The following TRPC6 variants were observed in gnomAD, a reference collection of about 807,000 sequenced individuals.
TRPC6 encodes short transient receptor potential channel 6.
A neutral mutation model predicts 90.7 loss-of-function variants in TRPC6; 55 were observed. The ratio of observed to expected loss-of-function variants is 0.61; its 90% CI spans 0.49 to 0.76. TRPC6 has a LOEUF of 0.76. Ranked by LOEUF, TRPC6 falls within the 30% of genes least tolerant of loss-of-function variation. TRPC6 has a pLI of 0.00. For synonymous variants in TRPC6, 393 were observed against 393.0 expected, an observed-to-expected ratio of 1.00 and a Z score of 0.00; for missense variants, 989 against 1,122.7, an observed-to-expected ratio of 0.88 and a Z score of 1.70.
chr11:101,489,554 G>C (rs2136703193), intron 3 of TRPC6, among the ~76,000 whole-genome samples: 1 of 152,008 alleles, frequency 6.6e-6, no homozygotes, highest in Admixed American at 6.5e-5. Flanking sequence ...TCTGTCTCTG[G>C]ACTGCCTGTT....
At chr11:101,530,926 G>A (rs1475127821) in intron 1 of TRPC6, among the ~76,000 whole-genome samples, 1 of 152,162 alleles carries the variant, frequency 6.6e-6, no homozygotes, top group African/African-American at 2.4e-5. Context: ...CAAACACATA[G>A]CATTGCCAGG....
At chr11:101,473,366 T>C in intron 7 of TRPC6, 143 bp downstream of exon 7, 1 of 857,572 alleles carries the variant, frequency 1.2e-6, no homozygotes. Flanking sequence ...CCAACTCATT[T>C]GTAAAATCCC....
At chr11:101,469,623 C>CG (rs1859239797) in intron 9 of TRPC6, 122 bp from the exon 10 acceptor site, 5 of 605,082 alleles carry the variant, frequency 8.3e-6, no homozygotes, top group Non-Finnish European at 1.5e-5. Flanking sequence ...CATATTCTTA[C>CG]GGGGTTCTTC....
intron 1 of TRPC6, among the ~76,000 whole-genome samples, chr11:101,505,502 T>C (rs1378163697): frequency 2.0e-5 from 3 of 152,042 alleles, no homozygotes; most frequent in African/African-American, 7.3e-5. Flanking sequence ...AGGGGTTAGG[T>C]ATAGGTAGAA....
At chr11:101,460,616 C>T (rs961818251) in intron 10 of TRPC6, among the ~76,000 whole-genome samples, 1 of 152,050 alleles carries the variant, frequency 6.6e-6, no homozygotes, top group South Asian at 2.1e-4. Context: ...TGTCATATCA[C>T]ACATTTTGTA....
chr11:101,473,844 G>A, intron 6 of TRPC6, 71 bp from the exon 7 acceptor site: 1 of 1,601,226 alleles, frequency 6.2e-7, no homozygotes, highest in Non-Finnish European at 8.5e-7. Flanking sequence ...TTCTTTTTCT[G>A]CGAAAGAAAT....
rs200226540 is a variant in TRPC6, at chr11:101,472,286, A to G, written c.2056T>C (p.Ser686Pro). 4 of 1,613,276 alleles carry G rather than the reference A, an allele frequency of 2.5e-6. No individual in the cohort carries two copies. Among genetic ancestry groups the G allele is most frequent in the Non-Finnish European group, 3.4e-6 (4 of 1,179,536 alleles). Residue 686 changes from serine to proline, a missense_variant, in exon 8 of 13, where the codon TCT (serine) becomes CCT (proline). By Grantham distance (74) the Ser-to-Pro change is moderately conservative (BLOSUM62 -1). Coordinates refer to ENST00000344327, the MANE Select transcript of TRPC6 (RefSeq NM_004621.6). ...KTLFWAIFGL[S>P]EVKSVVINYN... ...TTGATGACCACTGATTTCACTTCAG[A>G]AAGTCCAAATATAGCCCAGAACAGT...
At chr11:101,483,370 CTTGA>C (rs1388248938) in intron 4 of TRPC6, among the ~76,000 whole-genome samples, 2 of 151,988 alleles carry the variant, frequency 1.3e-5, no homozygotes, top group African/African-American at 4.8e-5. Context: ...TGCTGATGTT[CTTGA>C]TTAATAACTA....
rs1859824739 is a variant in TRPC6, at chr11:101,491,833, ATTCTTTTT to A, written c.946-103_946-96del. 12 of 778,582 alleles carry A rather than the reference ATTCTTTTT, an allele frequency of 1.5e-5. No homozygotes were observed. In the South Asian group the frequency reaches 2.0e-4, roughly 13 times the overall value. The allele number at this position is 778,582 out of a possible 1,614,324, so 48.2% of individuals were successfully genotyped here. On this transcript the variant is annotated intron_variant, in intron 2 of 12. Coordinates refer to ENST00000344327, the MANE Select transcript of TRPC6 (RefSeq NM_004621.6). Reference sequence around the variant, plus strand: ...AAGGATTTTATACTTTAAGAGAAACATTCTTTTTTTTTTTTTTTTTTTTTTGAGACGGA... The same window carrying A: ...AAGGATTTTATACTTTAAGAGAAACATTTTTTTTTTTTTTTTTGAGACGGA...
At position 101,488,986 on chromosome 11, in the gene TRPC6, A is replaced by G. The variant is rs142533998; in HGVS notation, c.1244T>C (p.Ile415Thr). ...VKFLVVLAVAIGLPFLALIYW... is the reference protein window; with the variant it reads ...VKFLVVLAVATGLPFLALIYW... ...AATGAGAGCCAGGAAGGGCAGTCCAATGGCAACAGCAAGGACCACAAGGAA... is the reference window on the plus strand; with the variant it reads ...AATGAGAGCCAGGAAGGGCAGTCCAGTGGCAACAGCAAGGACCACAAGGAA... Residue 415 changes from isoleucine (I) to threonine (T), a missense_variant, in exon 4 of 13, where the codon ATT becomes ACT. Transcript: ENST00000344327. 8 of 1,614,076 alleles carry G rather than the reference A, an allele frequency of 5.0e-6. No individual in the cohort carries two copies. The highest frequency in any genetic ancestry group is 4.0e-5 in the African/African-American group (3 of 74,924).
chr11:101,524,854 A>G (rs1468342453), intron 1 of TRPC6, among the ~76,000 whole-genome samples: 1 of 152,226 alleles, frequency 6.6e-6, no homozygotes, highest in Non-Finnish European at 1.5e-5. Flanking sequence ...AATTTCCTAC[A>G]GTGTGCCTGC....
At chr11:101,532,731 G>T (rs1353375168) in intron 1 of TRPC6, among the ~76,000 whole-genome samples, 1 of 151,814 alleles carries the variant, frequency 6.6e-6, no homozygotes, top group Non-Finnish European at 1.5e-5. Context: ...GAAAGAATTA[G>T]CCAAGAGCAC....
intron 1 of TRPC6, among the ~76,000 whole-genome samples, chr11:101,515,386 T>G (rs1018542044): frequency 3.3e-5 from 5 of 152,232 alleles, no homozygotes; most frequent in African/African-American, 1.2e-4. Context: ...TGCTTTGTTT[T>G]GCTGCCACTA....
chr11:101,479,794 G>A (rs557710676), intron 5 of TRPC6, among the ~76,000 whole-genome samples: 1 of 152,244 alleles, frequency 6.6e-6, no homozygotes, highest in South Asian at 2.1e-4. Context: ...AAAGTTACAA[G>A]GAAAATGCTT....
rs1860195648 is a variant in TRPC6 at position 101,504,085 on chromosome 11, A to G, written c.884T>C (p.Met295Thr). Residue 295 changes from methionine to threonine, a missense_variant, in exon 2 of 13, where the codon ATG (methionine) becomes ACG (threonine). Met to Thr is a moderately conservative substitution (Grantham distance 81, BLOSUM62 -1). Coordinates refer to ENST00000344327, the MANE Select transcript of TRPC6 (RefSeq NM_004621.6). The part of the protein sequence containing the change: ...YLSLSSEDPV[M>T]TALELSNELA... ...TTCATTGCTAAGTTCTAAAGCCGTC[A>G]TGACTGGATCTTCACTAGACAATGA... 6.2e-7 allele frequency: 1 copy of G among 1,614,122 alleles called. No individual in the cohort carries two copies. Among genetic ancestry groups the G allele is most frequent in the Non-Finnish European group, 8.5e-7 (1 of 1,179,986 alleles).
chr11:101,505,920 G>C (rs922665361), intron 1 of TRPC6, among the ~76,000 whole-genome samples: 1 of 150,280 alleles, frequency 6.7e-6, no homozygotes, highest in Admixed American at 6.7e-5. Context: ...GGCTGAGGTA[G>C]AGTATCAATT....
At chr11:101,567,457 C>G (rs1488522285) in intron 1 of TRPC6, among the ~76,000 whole-genome samples, 2 of 152,236 alleles carry the variant, frequency 1.3e-5, no homozygotes, top group Non-Finnish European at 2.9e-5. Context: ...ACTTAAACGT[C>G]CCTGCCAGGC....
At position 101,504,681 on chromosome 11, in the gene TRPC6, AG is replaced by A. The variant is rs1860214644; in HGVS notation, c.287del (p.Ser96LeufsTer2). Reference sequence around the variant, plus strand: ...CATCCAAAAAGCGTTCCTCCTCTATAGATAGGCTTGTGGAGCGATCACTAAA... The same window carrying A: ...CATCCAAAAAGCGTTCCTCCTCTATAATAGGCTTGTGGAGCGATCACTAAA... The part of the protein sequence containing the change: ...YMFSDRSTSL[S>X]IEEERFLDAA... On this transcript the variant is annotated frameshift_variant, in exon 2 of 13. Transcript: ENST00000344327. LOFTEE classifies it high-confidence loss of function. The A allele has an allele frequency of 6.2e-7, 1 of 1,601,054 alleles. No individual in the cohort carries two copies. Among genetic ancestry groups the A allele is most frequent in the Non-Finnish European group, 8.5e-7 (1 of 1,172,300 alleles).
chr11:101,485,156 C>CAT (rs964282182), intron 4 of TRPC6, among the ~76,000 whole-genome samples: 1 of 151,592 alleles, frequency 6.6e-6, no homozygotes, highest in African/African-American at 2.4e-5. Context: ...CACACACACA[C>CAT]AGAGTTTTAA....
Sources: gnomAD v4.1 joint callset for allele counts (sites outside exome capture counted in the v4.1 genomes callset) on GRCh38, gnomAD v4.1.1 for gene constraint, MANE v1.5 for transcripts, NCBI Gene and HGNC (gene_info 2026-07-23, HGNC 2026-07-21) for gene names.